The following HS3ST5 variants were observed in gnomAD, a reference collection of about 807,000 sequenced individuals.
HS3ST5 encodes the protein heparan sulfate glucosamine 3-O-sulfotransferase 5.
In HS3ST5, 10 loss-of-function variants were observed where a neutral mutation model predicts 25.4. The observed-to-expected ratio is 0.39, with a 90% CI of 0.24 to 0.67. The LOEUF (loss-of-function observed/expected upper bound fraction) is 0.67, where lower values mean the gene tolerates loss of function less well. Ranked by LOEUF, HS3ST5 falls within the 30% of genes least tolerant of loss-of-function variation. HS3ST5 has a pLI of 0.44. For synonymous variants in HS3ST5, 170 were observed against 162.4 expected, an observed-to-expected ratio of 1.05 and a Z score of -0.36; for missense variants, 324 against 420.7, an observed-to-expected ratio of 0.77 and a Z score of 2.01.
intron 1 of HS3ST5, among the ~76,000 whole-genome samples, chr6:114,294,441 C>CTTTTTTT (rs57443813): frequency 4.4e-5 from 5 of 112,950 alleles, no homozygotes; most frequent in African/African-American, 1.4e-4. Context: ...AGGTTAGAAA[C>CTTTTTTT]TTTTTTTTTT....
At chr6:114,304,241 A>G (rs1253756914) in intron 1 of HS3ST5, among the ~76,000 whole-genome samples, 1 of 152,174 alleles carries the variant, frequency 6.6e-6, no homozygotes, top group East Asian at 1.9e-4. Context: ...GGTATCATAT[A>G]TTAAGAATTT....
At chr6:114,339,603 C>T (rs1327346935) in intron 1 of HS3ST5, among the ~76,000 whole-genome samples, 2 of 152,138 alleles carry the variant, frequency 1.3e-5, no homozygotes, top group Non-Finnish European at 2.9e-5. Flanking sequence ...TGCATTTACT[C>T]ATAAATGAAT....
At position 114,062,791 on chromosome 6, in the gene HS3ST5, G is replaced by A. The variant is rs773383597; in HGVS notation, c.55C>T (p.Leu19Phe). ...AGATACAGGAGACTCCCAACGGCAA[G>A]GCTTCCCAGCACCAGGAGCTTCTGT... Reference protein sequence around the residue: ...LRQKLLVLGSLAVGSLLYLVA... With the variant: ...LRQKLLVLGSFAVGSLLYLVA... The change falls in exon 4 of 5, where the codon CTT (leucine) becomes TTT (phenylalanine). Residue 19 changes from leucine to phenylalanine, a missense_variant. Coordinates refer to ENST00000312719, the MANE Select transcript of HS3ST5 (RefSeq NM_153612.4). 4.3e-6 allele frequency: 7 copies of A among 1,613,896 alleles called. No individual in the cohort carries two copies. Among genetic ancestry groups the A allele is most frequent in the African/African-American group, 2.7e-5 (2 of 74,898 alleles).
intron 2 of HS3ST5, among the ~76,000 whole-genome samples, chr6:114,191,555 G>A (rs1470953408): frequency 1.3e-5 from 2 of 152,114 alleles, no homozygotes; most frequent in Non-Finnish European, 1.5e-5. Flanking sequence ...CTTTGAAAAC[G>A]AAACAATGGA....
chr6:114,332,869 A>T (rs1368254320), intron 1 of HS3ST5, among the ~76,000 whole-genome samples: 1 of 152,056 alleles, frequency 6.6e-6, no homozygotes, highest in African/African-American at 2.4e-5. Context: ...GGAATGAAGT[A>T]TGAGGGAGCA....
At chr6:114,274,524 CTT>C (rs913907583) in intron 1 of HS3ST5, among the ~76,000 whole-genome samples, 38 of 152,080 alleles carry the variant, frequency 2.5e-4, no homozygotes, top group African/African-American at 8.9e-4. Flanking sequence ...GAATGACACT[CTT>C]AAGCTGGTAG....
At chr6:114,234,944 G>A (rs1332476332) in intron 1 of HS3ST5, among the ~76,000 whole-genome samples, 1 of 152,138 alleles carries the variant, frequency 6.6e-6, no homozygotes, top group African/African-American at 2.4e-5. Flanking sequence ...TCAACATGGT[G>A]AAACCCTGTC....
In HS3ST5 at chr6:114,342,950, TC is replaced by T. The variant is rs974306714; in HGVS notation, c.-1095del. On this transcript the variant is annotated 5_prime_UTR_variant, in exon 1 of 5. An upstream open reading frame in the 5' UTR loses its in-frame stop. Transcript: ENST00000312719. The stretch of plus-strand genomic sequence containing the variant: ...GCCCAGCTGTGTGCGCGTGTGTGTG[TC>T]TAAGCGAATCTCTTCCCCTCCATCA... 1.1e-4 allele frequency: 16 copies of T among 152,346 alleles called. No individual in the cohort carries two copies. 9.4% of individuals were successfully genotyped at this position (152,346 alleles called of 1,614,324 possible). A position where few individuals can be genotyped will look rare whatever the true frequency, so the allele number is the denominator to read the frequency against.
At chr6:114,293,396 G>A (rs1413370265) in intron 1 of HS3ST5, among the ~76,000 whole-genome samples, 1 of 152,164 alleles carries the variant, frequency 6.6e-6, no homozygotes, top group Admixed American at 6.5e-5. Flanking sequence ...AACTAAGGAG[G>A]TTGAAAAGGA....
intron 3 of HS3ST5, among the ~76,000 whole-genome samples, chr6:114,102,624 A>G (rs1439841877): frequency 1.3e-5 from 2 of 152,184 alleles, no homozygotes; most frequent in South Asian, 2.1e-4. Context: ...AGAGATTTAC[A>G]TGGTCTTTGT....
intron 3 of HS3ST5, among the ~76,000 whole-genome samples, chr6:114,133,501 T>C (rs1004079114): frequency 6.6e-6 from 1 of 152,166 alleles, no homozygotes; most frequent in Non-Finnish European, 1.5e-5. Flanking sequence ...GTTTTCCTTG[T>C]TTAACCCATG....
chr6:114,293,668 G>GAGCATAT (rs1302499324), intron 1 of HS3ST5, among the ~76,000 whole-genome samples: 1 of 152,160 alleles, frequency 6.6e-6, no homozygotes, highest in Non-Finnish European at 1.5e-5. Context: ...TAATACATAA[G>GAGCATAT]AGCATATAAA....
chr6:114,305,817 C>A (rs948174043), intron 1 of HS3ST5, among the ~76,000 whole-genome samples: 2 of 152,108 alleles, frequency 1.3e-5, no homozygotes, highest in African/African-American at 4.8e-5. Flanking sequence ...CAATACAAAT[C>A]TCAACACAAT....
intron 3 of HS3ST5, among the ~76,000 whole-genome samples, chr6:114,091,362 G>A (rs975977115): frequency 1.1e-4 from 17 of 152,188 alleles, no homozygotes; most frequent in Non-Finnish European, 1.6e-4. Context: ...ACATACAAAT[G>A]CTTAGATGTG....
intron 3 of HS3ST5, among the ~76,000 whole-genome samples, chr6:114,152,981 C>T (rs1778529868): frequency 6.6e-6 from 1 of 152,194 alleles, no homozygotes; most frequent in Non-Finnish European, 1.5e-5. Context: ...TAGTCCTAGT[C>T]TTTCTCTCAG....
intron 1 of HS3ST5, among the ~76,000 whole-genome samples, chr6:114,243,834 A>G (rs1772255618): frequency 6.6e-6 from 1 of 152,008 alleles, no homozygotes; most frequent in South Asian, 2.1e-4. Context: ...TGAAGAGGGT[A>G]CTGGCTTTGC....
intron 2 of HS3ST5, among the ~76,000 whole-genome samples, chr6:114,197,271 G>A (rs928181555): frequency 5.3e-5 from 8 of 151,310 alleles, no homozygotes; most frequent in African/African-American, 1.9e-4. Flanking sequence ...ATTGATATTT[G>A]TTTGTTTTGT....
intron 3 of HS3ST5, among the ~76,000 whole-genome samples, chr6:114,089,627 G>A (rs73554336): frequency 0.014 from 2,167 of 152,218 alleles, 52 homozygotes; most frequent in African/African-American, 0.05. Context: ...CTGATCAAAC[G>A]TCACATAGCT....
intron 1 of HS3ST5, among the ~76,000 whole-genome samples, chr6:114,320,946 T>A (rs1775947963): frequency 6.7e-6 from 1 of 148,596 alleles, no homozygotes; most frequent in African/African-American, 2.5e-5. Context: ...ATATAATATA[T>A]AAAGCCAGGG....
Sources: allele counts gnomAD v4.1 joint callset (sites outside exome capture counted in the v4.1 genomes callset), GRCh38; gene constraint gnomAD v4.1.1; transcripts MANE v1.5; gene names NCBI Gene and HGNC (gene_info 2026-07-23, HGNC 2026-07-21).